Variants in ETS1 observed in about 807,000 individuals in gnomAD.
ETS1 encodes ETS proto-oncogene 1, transcription factor, also known as protein C-ets-1.
Under a neutral mutation model 58.6 loss-of-function variants are expected in ETS1, and 15 were observed. The observed-to-expected ratio is 0.26, with a 90% CI of 0.17 to 0.39. ETS1 has a LOEUF of 0.39. Ranked by LOEUF, ETS1 falls within the 10% of genes least tolerant of loss-of-function variation. The pLI is 1.00. For synonymous variants in ETS1, 214 were observed against 218.2 expected (o/e 0.98, Z 0.17); for missense variants, 417 against 610.5 (o/e 0.68, Z 3.34).
At chr11:128,535,616 A>T (rs1441063796) in intron 3 of ETS1, among the ~76,000 whole-genome samples, 1 of 152,224 alleles carries the variant, frequency 6.6e-6, no homozygotes, top group Admixed American at 6.5e-5. Flanking sequence ...ACATTTAAAA[A>T]CAACCAAAGT....
At chr11:128,563,125 C>T (rs1864432693) in intron 2 of ETS1, among the ~76,000 whole-genome samples, 1 of 152,154 alleles carries the variant, frequency 6.6e-6, no homozygotes, top group Non-Finnish European at 1.5e-5. Flanking sequence ...CCTAGTTGCT[C>T]ACCTTCTGTA....
intron 3 of ETS1, among the ~76,000 whole-genome samples, chr11:128,515,160 A>G (rs1441846699): frequency 2.0e-5 from 3 of 152,138 alleles, no homozygotes; most frequent in South Asian, 2.1e-4. Context: ...TCTTCGATAA[A>G]CATTTAAACA....
chr11:128,574,515 C>T (rs79248587), intron 1 of ETS1, among the ~76,000 whole-genome samples: 10,466 of 152,212 alleles, frequency 0.069, 529 homozygotes, highest in South Asian at 0.14. Flanking sequence ...GCTCAAAGTA[C>T]CCTAGGCCAG....
chr11:128,550,941 T>C (rs1864219175), intron 3 of ETS1, among the ~76,000 whole-genome samples: 1 of 152,182 alleles, frequency 6.6e-6, no homozygotes, highest in Non-Finnish European at 1.5e-5. Flanking sequence ...TTGCCTGGAC[T>C]CCCTGTAAGT....
intron 3 of ETS1, among the ~76,000 whole-genome samples, chr11:128,517,306 T>C (rs137949136): frequency 6.6e-6 from 1 of 152,358 alleles, no homozygotes; most frequent in Non-Finnish European, 1.5e-5. Context: ...TCCAGAGTTT[T>C]TGAGAATAAC....
intron 1 of ETS1, among the ~76,000 whole-genome samples, chr11:128,584,450 T>C (rs763477248): frequency 1.3e-5 from 2 of 152,170 alleles, no homozygotes; most frequent in Non-Finnish European, 2.9e-5. Flanking sequence ...AGTCCCCACC[T>C]GGTAAATGGG....
chr11:128,571,501 CAAAAAAAAAAAAAAAAAAAAAAA>C (rs563312769), intron 2 of ETS1, among the ~76,000 whole-genome samples: 2 of 32,880 alleles, frequency 6.1e-5, no homozygotes, highest in African/African-American at 1.2e-4. Flanking sequence ...AAGACTCCGT[CAAAAAAAAAAAAAAAAAAAAAAA>C]AAAAAAAAAA....
chr11:128,556,456 G>T, intron 2 of ETS1, 21 bp from the exon 3 acceptor site: 2 of 1,544,604 alleles, frequency 1.3e-6, no homozygotes. Context: ...AAAAATAGAA[G>T]AAAATATATT....
chr11:128,561,638 G>T (rs1864406867), intron 2 of ETS1, among the ~76,000 whole-genome samples: 1 of 152,188 alleles, frequency 6.6e-6, no homozygotes, highest in Non-Finnish European at 1.5e-5. Flanking sequence ...AAATCGACAT[G>T]ATTTTATGAC....
At chr11:128,535,747 C>A (rs1350519150) in intron 3 of ETS1, among the ~76,000 whole-genome samples, 1 of 152,174 alleles carries the variant, frequency 6.6e-6, no homozygotes, top group Non-Finnish European at 1.5e-5. Flanking sequence ...TCTTTCCTTG[C>A]TATTTTACCA....
At chr11:128,548,102 A>AAAGGAAAGGG (rs2135548956) in intron 3 of ETS1, among the ~76,000 whole-genome samples, 1 of 94,836 alleles carries the variant, frequency 1.1e-5, no homozygotes, top group Non-Finnish European at 2.3e-5. Context: ...GCGAGGAAGG[A>AAAGGAAAGGG]AAGGAAAGGG....
At chr11:128,479,148 A>C (rs1862412652) in intron 8 of ETS1, among the ~76,000 whole-genome samples, 1 of 152,218 alleles carries the variant, frequency 6.6e-6, no homozygotes, top group African/African-American at 2.4e-5. Flanking sequence ...AAAAGACCTA[A>C]GGCTTCCCTG....
chr11:128,490,648 G>C (rs1295663120), intron 3 of ETS1, 72 bp from the exon 4 acceptor site: 14 of 1,274,218 alleles, frequency 1.1e-5, no homozygotes, highest in Non-Finnish European at 1.6e-5. Context: ...CATTACAAAT[G>C]GGCTGTAAGA....
intron 3 of ETS1, among the ~76,000 whole-genome samples, chr11:128,529,746 TGTCACTGCA>T (rs1033569097): frequency 2.6e-5 from 4 of 152,228 alleles, no homozygotes; most frequent in Non-Finnish European, 5.9e-5. Context: ...TCTTTGAGTA[TGTCACTGCA>T]GTCATCCACA....
At chr11:128,516,662 G>C (rs1440374065) in intron 3 of ETS1, among the ~76,000 whole-genome samples, 1 of 152,172 alleles carries the variant, frequency 6.6e-6, no homozygotes, top group African/African-American at 2.4e-5. Context: ...ACCTGGGGCT[G>C]TCTTGTGCCA....
At chr11:128,534,592 A>G (rs1239462386) in intron 3 of ETS1, among the ~76,000 whole-genome samples, 1 of 152,046 alleles carries the variant, frequency 6.6e-6, no homozygotes, top group Non-Finnish European at 1.5e-5. Flanking sequence ...TACCCCTCCA[A>G]CAGGCCCCAG....
chr11:128,471,344 A>G (rs554685742), intron 8 of ETS1, among the ~76,000 whole-genome samples: 1 of 152,340 alleles, frequency 6.6e-6, no homozygotes, highest in East Asian at 1.9e-4. Flanking sequence ...ACACATTTTT[A>G]GGGTATGAGG....
At chr11:128,571,052 A>G (rs889121252) in intron 2 of ETS1, among the ~76,000 whole-genome samples, 7 of 152,186 alleles carry the variant, frequency 4.6e-5, no homozygotes, top group Admixed American at 4.6e-4. Flanking sequence ...TACTGAAGAG[A>G]GATGTCTCAA....
At chr11:128,538,783 CA>C (rs1864011271) in intron 3 of ETS1, among the ~76,000 whole-genome samples, 4 of 118,554 alleles carry the variant, frequency 3.4e-5, no homozygotes, top group African/African-American at 1.2e-4. Flanking sequence ...CACACACACA[CA>C]CACACACCAA....
Sources: allele counts gnomAD v4.1 joint callset (sites outside exome capture counted in the v4.1 genomes callset), GRCh38; gene constraint gnomAD v4.1.1; transcripts MANE v1.5; gene names NCBI Gene and HGNC (gene_info 2026-07-23, HGNC 2026-07-21).